The following KDM4C variants were observed in gnomAD, a reference collection of about 807,000 sequenced individuals.
KDM4C encodes lysine demethylase 4C.
Under a neutral mutation model 129.3 loss-of-function variants are expected in KDM4C, and 81 were observed. The ratio of observed to expected loss-of-function variants is 0.63; its 90% CI spans 0.52 to 0.75. The LOEUF is 0.75. KDM4C is among the 30% of genes least tolerant of loss of function. The pLI, the probability that KDM4C is intolerant of heterozygous loss-of-function variation, is 0.00. For missense variants in KDM4C, 1,457 were observed against 1,304.0 expected (o/e 1.12, Z -1.81); for synonymous variants, 573 against 456.1 (o/e 1.26, Z -3.26).
At chr9:7,166,513 A>G (rs1844407398) in intron 20 of KDM4C, among the ~76,000 whole-genome samples, 1 of 152,106 alleles carries the variant, frequency 6.6e-6, no homozygotes, top group African/African-American at 2.4e-5. Flanking sequence ...TATTGGTGAC[A>G]GTCTCAAGAT....
intron 17 of KDM4C, among the ~76,000 whole-genome samples, chr9:7,061,216 TG>T (rs1288101297): frequency 6.6e-6 from 1 of 152,178 alleles, no homozygotes; most frequent in African/African-American, 2.4e-5. Context: ...GATAGGTAAT[TG>T]AGGGTTTATG....
intron 15 of KDM4C, among the ~76,000 whole-genome samples, chr9:7,028,554 C>T (rs1587034232): frequency 6.6e-6 from 1 of 151,796 alleles, no homozygotes; most frequent in South Asian, 2.1e-4. Context: ...AAATTGAGGT[C>T]GGAGGTGGCA....
At chr9:7,001,263 G>C (rs1820674337) in intron 12 of KDM4C, among the ~76,000 whole-genome samples, 1 of 152,112 alleles carries the variant, frequency 6.6e-6, no homozygotes, top group Admixed American at 6.6e-5. Flanking sequence ...AGAGATTTTT[G>C]TTGTGCTTTA....
chr9:6,986,310 A>G (rs147447613), intron 10 of KDM4C, 34 bp from the exon 11 acceptor site: 4 of 1,448,774 alleles, frequency 2.8e-6, no homozygotes, highest in Non-Finnish European at 3.8e-6. Context: ...AATACAGTGC[A>G]TGATTTATTA....
intron 17 of KDM4C, among the ~76,000 whole-genome samples, chr9:7,052,872 A>AGC (rs1830348436): frequency 5.0e-5 from 1 of 20,010 alleles, no homozygotes; most frequent in African/African-American, 2.8e-4. Flanking sequence ...GCAGAGAGAG[A>AGC]GAGAGAGAGA....
intron 19 of KDM4C, among the ~76,000 whole-genome samples, chr9:7,161,148 G>C (rs1843744463): frequency 3.3e-5 from 5 of 152,240 alleles, no homozygotes; most frequent in African/African-American, 1.2e-4. Flanking sequence ...AGGCACGGGA[G>C]AGAATCTCCT....
At chr9:6,790,684 A>G (rs1588283739) in intron 1 of KDM4C, among the ~76,000 whole-genome samples, 84 of 103,544 alleles carry the variant, frequency 8.1e-4, no homozygotes, top group East Asian at 1.3e-3. Flanking sequence ...AAAAAAAAAG[A>G]GGAAAACTTT....
At chr9:7,024,076 T>G (rs1250169580) in intron 15 of KDM4C, among the ~76,000 whole-genome samples, 1 of 152,226 alleles carries the variant, frequency 6.6e-6, no homozygotes, top group Non-Finnish European at 1.5e-5. Context: ...GAATGATCTG[T>G]GTGCAGAGGA....
intron 8 of KDM4C, among the ~76,000 whole-genome samples, chr9:6,940,115 A>T (rs10975921): frequency 0.31 from 45,847 of 148,880 alleles, 7,252 homozygotes; most frequent in Middle Eastern, 0.41. Flanking sequence ...TTCTTTCAAC[A>T]GGGTCCCACT....
intron 15 of KDM4C, among the ~76,000 whole-genome samples, chr9:7,022,633 A>C (rs894247944): frequency 1.0e-4 from 9 of 88,840 alleles, no homozygotes; most frequent in Non-Finnish European, 1.3e-4. Flanking sequence ...CAAACCCTTT[A>C]TTTCTTTTTT....
At chr9:7,039,157 T>C (rs2132449855) in intron 15 of KDM4C, among the ~76,000 whole-genome samples, 1 of 152,124 alleles carries the variant, frequency 6.6e-6, no homozygotes, top group African/African-American at 2.4e-5. Flanking sequence ...GTTCTGTTTT[T>C]AAGTTTAGGT....
chr9:6,850,524 C>A (rs987921635), intron 5 of KDM4C, among the ~76,000 whole-genome samples: 1 of 152,062 alleles, frequency 6.6e-6, no homozygotes, highest in Non-Finnish European at 1.5e-5. Context: ...TGGCTCACTG[C>A]AACCTCCGCT....
rs569483000 is a variant in KDM4C, at chr9:6,812,887, T to C, written c.321-1744T>C. On this transcript the variant is annotated intron_variant, in intron 3 of 21. Transcript: ENST00000381309. ...ATGCTAATCCTTTTTATTAAAAACA[T>C]TTTTAAGGCTGGGTGCGGTGGCTCT... is the stretch of plus-strand genomic sequence containing the variant. Among the ~76,000 whole-genome samples the C allele has an allele frequency of 6.0e-4, 91 of 152,316 alleles. 1 individual carries two copies. The highest frequency in any genetic ancestry group is 2.1e-3 in the African/African-American group (87 of 41,576).
At chr9:6,727,660 C>G (rs1226166101) in intron 1 of KDM4C, among the ~76,000 whole-genome samples, 1 of 108,654 alleles carries the variant, frequency 9.2e-6, no homozygotes, top group Non-Finnish European at 1.9e-5. Flanking sequence ...AGGCCACTTC[C>G]TATCTGATTT....
At chr9:7,100,514 A>G (rs1836952084) in intron 17 of KDM4C, among the ~76,000 whole-genome samples, 1 of 151,884 alleles carries the variant, frequency 6.6e-6, no homozygotes, top group Admixed American at 6.6e-5. Context: ...TAATTTTTGT[A>G]TTTTTAGTAG....
chr9:6,903,810 TA>T (rs1288314210), intron 8 of KDM4C, among the ~76,000 whole-genome samples: 2 of 152,178 alleles, frequency 1.3e-5, no homozygotes, highest in African/African-American at 4.8e-5. Flanking sequence ...TTATTAAAGG[TA>T]AAAAACTGTT....
chr9:7,070,037 A>G (rs1254829467), intron 17 of KDM4C, among the ~76,000 whole-genome samples: 1 of 152,220 alleles, frequency 6.6e-6, no homozygotes, highest in Non-Finnish European at 1.5e-5. Context: ...TAGCTAAATC[A>G]AAAGCAGGCA....
chr9:7,023,012 G>A (rs112052549), intron 15 of KDM4C, among the ~76,000 whole-genome samples: 5,686 of 152,284 alleles, frequency 0.037, 156 homozygotes, highest in South Asian at 0.099. Context: ...TGGTCATGAT[G>A]AATGATCTTT....
intron 8 of KDM4C, among the ~76,000 whole-genome samples, chr9:6,959,343 T>TTTGCCTCCCTGTCC (rs1436027963): frequency 3.3e-5 from 5 of 152,366 alleles, no homozygotes; most frequent in Non-Finnish European, 7.3e-5. Flanking sequence ...GGTCTGTTTC[T>TTTGCCTCCCTGTCC]TTGCCTCCCT....
Sources: gnomAD v4.1 joint callset for allele counts (sites outside exome capture counted in the v4.1 genomes callset) on GRCh38, gnomAD v4.1.1 for gene constraint, MANE v1.5 for transcripts, NCBI Gene and HGNC (gene_info 2026-07-23, HGNC 2026-07-21) for gene names.